Variants in CASD1 observed in about 807,000 individuals in gnomAD.
CASD1 encodes N-acetylneuraminate (7)9-O-acetyltransferase.
Under a neutral mutation model 100.0 loss-of-function variants are expected in CASD1, and 41 were observed. That is an observed-to-expected ratio of 0.41 (90% CI 0.32 to 0.53). The LOEUF (loss-of-function observed/expected upper bound fraction) is 0.53, where lower values mean the gene tolerates loss of function less well. Ranked by LOEUF, CASD1 falls within the 20% of genes least tolerant of loss-of-function variation. CASD1 has a pLI of 0.25. For synonymous variants in CASD1, 321 were observed against 315.6 expected (o/e 1.02, Z -0.18); for missense variants, 774 against 948.7 (o/e 0.82, Z 2.42).
chr7:94,575,822 A>G, the CASD1 span, among the ~76,000 whole-genome samples: 1 of 152,188 alleles, frequency 6.6e-6, no homozygotes, highest in Admixed American at 6.5e-5. Context: ...TCTTGCCTAC[A>G]TGGTTTCTGA....
chr7:94,510,934 A>T (rs1793676724), intron 1 of CASD1, among the ~76,000 whole-genome samples: 1 of 152,252 alleles, frequency 6.6e-6, no homozygotes, highest in South Asian at 2.1e-4. Flanking sequence ...GACAGGCGTA[A>T]AGGTGGGCAG....
chr7:94,535,598 T>C, intron 8 of CASD1, 75 bp downstream of exon 8: 1 of 1,019,150 alleles, frequency 9.8e-7, no homozygotes, highest in South Asian at 1.5e-5. Context: ...CATTATAACA[T>C]GGTTATAAAT....
chr7:94,619,075 TTAATAC>T, the CASD1 span: 1 of 745,656 alleles, frequency 1.3e-6, no homozygotes, highest in Admixed American at 1.9e-5. Context: ...GGAAGCAATA[TTAATAC>T]TGACTTTAAA....
the CASD1 span, among the ~76,000 whole-genome samples, chr7:94,594,779 A>AT: frequency 6.6e-6 from 1 of 152,176 alleles, no homozygotes; most frequent in East Asian, 1.9e-4. Context: ...TTATTAAAGA[A>AT]TAAACACATT....
chr7:94,614,699 C>T, the CASD1 span, among the ~76,000 whole-genome samples: 1 of 152,034 alleles, frequency 6.6e-6, no homozygotes, highest in Non-Finnish European at 1.5e-5. Context: ...AGAGAGGAGC[C>T]CTCTCTGTGA....
chr7:94,537,351 G>A (rs1795170023), intron 8 of CASD1, 121 bp from the exon 9 acceptor site: 3 of 840,316 alleles, frequency 3.6e-6, no homozygotes, highest in South Asian at 3.5e-5. Context: ...GGAAATGGTA[G>A]CAAAAGATAC....
chr7:94,591,385 C>T, the CASD1 span, among the ~76,000 whole-genome samples: 58 of 152,242 alleles, frequency 3.8e-4, no homozygotes, highest in African/African-American at 1.3e-3. Context: ...TACACATAGG[C>T]GCACACCACA....
chr7:94,529,353 G>C (rs1423770441), intron 5 of CASD1, among the ~76,000 whole-genome samples: 1 of 152,104 alleles, frequency 6.6e-6, no homozygotes, highest in Non-Finnish European at 1.5e-5. Context: ...CTAACCTGGA[G>C]ATATATTACA....
chr7:94,511,372 G>C (rs1446168044), intron 1 of CASD1, among the ~76,000 whole-genome samples: 2 of 152,060 alleles, frequency 1.3e-5, no homozygotes, highest in East Asian at 3.9e-4. Context: ...TTTCAATTTT[G>C]GTCAGTTTTG....
intron 10 of CASD1, among the ~76,000 whole-genome samples, chr7:94,541,386 TTAAAA>T (rs1264133849): frequency 1.3e-5 from 2 of 151,894 alleles, no homozygotes; most frequent in African/African-American, 4.8e-5. Flanking sequence ...TAGAGAATTA[TTAAAA>T]TAATCCTTAT....
In CASD1 at chr7:94,539,063, A is replaced by G. The variant is rs369897771; in HGVS notation, c.1356+7A>G. On this transcript the variant is annotated splice_region_variant and intron_variant, in intron 10 of 17. Transcript: ENST00000297273. ...CATTTCTGGAGCAAGTACAGTAAGT[A>G]TTTGGAATTTAAGTTCAGAAAGTAT... The G allele has an allele frequency of 2.6e-6, 4 of 1,544,942 alleles. No homozygotes were observed. In the African/African-American group the frequency reaches 4.1e-5, roughly 16 times the overall value.
the CASD1 span, chr7:94,629,944 A>G: frequency 7.4e-7 from 1 of 1,346,336 alleles, no homozygotes; most frequent in South Asian, 1.3e-5. Flanking sequence ...CACTATGTAG[A>G]CATTTCTGGA....
At chr7:94,525,017 C>T (rs920030511) in intron 3 of CASD1, among the ~76,000 whole-genome samples, 2 of 151,980 alleles carry the variant, frequency 1.3e-5, no homozygotes, top group African/African-American at 2.4e-5. Context: ...AGAGAACGTT[C>T]GTGTGGGTAT....
chr7:94,632,743 AC>A, the CASD1 span, among the ~76,000 whole-genome samples: 1 of 152,084 alleles, frequency 6.6e-6, no homozygotes, highest in African/African-American at 2.4e-5. Context: ...TACTTGCAAA[AC>A]AAATAGCTCT....
At chr7:94,629,693 C>CT in the CASD1 span, 13 of 1,607,584 alleles carry the variant, frequency 8.1e-6, no homozygotes, top group African/African-American at 4.0e-5. Context: ...ACGTTAACTG[C>CT]TTTTTTTTCC....
At chr7:94,589,460 C>G in the CASD1 span, 1 of 152,680 alleles carries the variant, frequency 6.5e-6, no homozygotes, top group African/African-American at 2.4e-5. Flanking sequence ...ATAATCCACT[C>G]TGCACATTGC....
chr7:94,537,051 A>G (rs886878167), intron 8 of CASD1, among the ~76,000 whole-genome samples: 10 of 152,182 alleles, frequency 6.6e-5, no homozygotes, highest in Admixed American at 6.5e-4. Flanking sequence ...TTCTGTTTTG[A>G]AAGTCTTCTA....
the CASD1 span, chr7:94,587,040 G>GGA: frequency 1.0e-6 from 1 of 984,454 alleles, no homozygotes; most frequent in Non-Finnish European, 1.2e-6. Context: ...TAACTAAAAA[G>GGA]GAGAGCAAAG....
chr7:94,587,324 T>TA, the CASD1 span: 1 of 1,001,888 alleles, frequency 1.0e-6, no homozygotes, highest in Admixed American at 6.0e-5. Flanking sequence ...GGTAAGTAAG[T>TA]AAAATCTGGA....
Sources: allele counts gnomAD v4.1 joint callset (sites outside exome capture counted in the v4.1 genomes callset), GRCh38; gene constraint gnomAD v4.1.1; transcripts MANE v1.5; gene names NCBI Gene and HGNC (gene_info 2026-07-23, HGNC 2026-07-21).